The following GPAT4 variants were observed in gnomAD, a reference collection of about 807,000 sequenced individuals.
GPAT4 encodes glycerol-3-phosphate acyltransferase 4.
GPAT4 carries 17 observed loss-of-function variants against 58.0 expected under a neutral mutation model. The ratio of observed to expected loss-of-function variants is 0.29; its 90% CI spans 0.20 to 0.44. The LOEUF (loss-of-function observed/expected upper bound fraction) is 0.44, where lower values mean the gene tolerates loss of function less well. Ranked by LOEUF, GPAT4 falls within the 20% of genes least tolerant of loss-of-function variation. GPAT4 has a pLI of 1.00. For missense variants in GPAT4, 377 were observed against 574.5 expected, an observed-to-expected ratio of 0.66 and a Z score of 3.51; for synonymous variants, 204 against 210.1, an observed-to-expected ratio of 0.97 and a Z score of 0.25.
Position 41,614,384 on chromosome 8 carries a change from AGACT to A in GPAT4, c.917_920del (p.Thr306AsnfsTer25). On this transcript the variant is annotated splice_acceptor_variant and coding_sequence_variant, in exon 9 of 13. Transcript: ENST00000396987. LOFTEE classifies it high-confidence loss of function. ...CCTTTATTTTATTTTCTTCTTTGAAAGACTGACTGAACATGTGCAAGATAAAAGC... is the reference window on the plus strand; with the variant it reads ...CCTTTATTTTATTTTCTTCTTTGAAAGACTGAACATGTGCAAGATAAAAGC... 1 of 1,613,766 alleles carries A rather than the reference AGACT, an allele frequency of 6.2e-7. No individual in the cohort carries two copies. The highest frequency in any genetic ancestry group is 8.5e-7 in the Non-Finnish European group (1 of 1,179,848).
chr8:41,618,844 G>A (rs1234735715), intron 11 of GPAT4, 32 bp downstream of exon 11: 1 of 1,614,240 alleles, frequency 6.2e-7, no homozygotes. Flanking sequence ...GTCTGCGCCT[G>A]CTCTGTGTAA....
At chr8:41,592,635 G>A (rs1316387700) in intron 1 of GPAT4, among the ~76,000 whole-genome samples, 1 of 152,176 alleles carries the variant, frequency 6.6e-6, no homozygotes, top group Non-Finnish European at 1.5e-5. Context: ...ATAACATGAA[G>A]TGACATTGAG....
At chr8:41,615,314 G>A (rs1803565016) in intron 10 of GPAT4, among the ~76,000 whole-genome samples, 1 of 152,224 alleles carries the variant, frequency 6.6e-6, no homozygotes, top group African/African-American at 2.4e-5. Context: ...TCGGGAAATG[G>A]CAAGCCCTTC....
intron 1 of GPAT4, among the ~76,000 whole-genome samples, chr8:41,581,625 CTTTTT>C (rs567790530): frequency 9.0e-6 from 1 of 110,558 alleles, no homozygotes. Flanking sequence ...CCTTTGTTGA[CTTTTT>C]TTTTTTTTTT....
intron 4 of GPAT4, 117 bp from the exon 5 acceptor site, chr8:41,610,619 C>CA (rs1273510489): frequency 6.5e-7 from 1 of 1,549,282 alleles, no homozygotes; most frequent in Non-Finnish European, 8.7e-7. Flanking sequence ...GTCCAGGTCC[C>CA]AGGTGAGCAG....
chr8:41,581,480 C>G (rs1187227178), intron 1 of GPAT4, among the ~76,000 whole-genome samples: 1 of 152,196 alleles, frequency 6.6e-6, no homozygotes, highest in African/African-American at 2.4e-5. Context: ...TAGAGATGGT[C>G]TTGATCTGTG....
chr8:41,590,063 G>A (rs529514240), intron 1 of GPAT4, among the ~76,000 whole-genome samples: 1 of 152,240 alleles, frequency 6.6e-6, no homozygotes, highest in African/African-American at 2.4e-5. Flanking sequence ...TTCTGATAAT[G>A]GAGTCCAGAT....
At chr8:41,614,472 T>C in intron 9 of GPAT4, 31 bp downstream of exon 9, 1 of 1,608,380 alleles carries the variant, frequency 6.2e-7, no homozygotes, top group Non-Finnish European at 8.5e-7. Context: ...ACGAAGGGCT[T>C]CTGTGGGGAG....
In GPAT4 at chr8:41,582,444, TACACACACACACAC is replaced by T. The variant is rs71548104; in HGVS notation, c.-849+4186_-849+4199del. On this transcript the variant is annotated intron_variant, in intron 1 of 12. Coordinates refer to ENST00000396987, the MANE Select transcript of GPAT4 (RefSeq NM_178819.4). ...CTTGGAGAAATAGGGTGGGAAAGTA[TACACACACACACAC>T]ACACACACACACACACACATCTTTC... Among the ~76,000 whole-genome samples, 8 of 141,712 alleles carry T rather than the reference TACACACACACACAC, an allele frequency of 5.6e-5. No individual in the cohort carries two copies. In the South Asian group the frequency reaches 6.9e-4, roughly 12 times the overall value. 93.0% of individuals were successfully genotyped at this position (141,712 alleles called of 152,430 possible). A position where few individuals can be genotyped will look rare whatever the true frequency, so the allele number is the denominator to read the frequency against.
chr8:41,587,382 TCTC>T (rs140469389), intron 1 of GPAT4, among the ~76,000 whole-genome samples: 2,897 of 152,336 alleles, frequency 0.019, 73 homozygotes, highest in African/African-American at 0.063. Flanking sequence ...AAATTCCCCT[TCTC>T]CTTCCTAGTG....
intron 1 of GPAT4, among the ~76,000 whole-genome samples, chr8:41,583,369 G>A (rs1802574315): frequency 6.6e-6 from 1 of 151,478 alleles, no homozygotes; most frequent in South Asian, 2.1e-4. Context: ...CTTCCCAGCT[G>A]CTGGTATCTA....
At chr8:41,589,846 G>T (rs1802745151) in intron 1 of GPAT4, among the ~76,000 whole-genome samples, 1 of 152,214 alleles carries the variant, frequency 6.6e-6, no homozygotes, top group Non-Finnish European at 1.5e-5. Context: ...GGCCCTTGCT[G>T]CCTCTTTCCC....
chr8:41,581,398 G>A (rs1342020680), intron 1 of GPAT4, among the ~76,000 whole-genome samples: 2 of 152,108 alleles, frequency 1.3e-5, no homozygotes, highest in Non-Finnish European at 2.9e-5. Context: ...CCGAAGATCT[G>A]CAATAATAGA....
At chr8:41,612,334 T>C in intron 7 of GPAT4, 61 bp downstream of exon 7, 1 of 1,557,148 alleles carries the variant, frequency 6.4e-7, no homozygotes, top group South Asian at 1.1e-5. Context: ...TGGTCAGGGC[T>C]AGGAGGCTCC....
chr8:41,587,354 T>C (rs988926976), intron 1 of GPAT4, among the ~76,000 whole-genome samples: 4 of 152,206 alleles, frequency 2.6e-5, no homozygotes, highest in Non-Finnish European at 5.9e-5. Context: ...ATGTCATTAC[T>C]TCTTGGGAAA....
intron 1 of GPAT4, among the ~76,000 whole-genome samples, chr8:41,583,327 T>C (rs1237300525): frequency 6.6e-6 from 1 of 152,118 alleles, no homozygotes; most frequent in Non-Finnish European, 1.5e-5. Flanking sequence ...GTTTTTTTTT[T>C]CTATCCATTA....
chr8:41,581,993 ATTTTTTT>A (rs71230849), intron 1 of GPAT4, among the ~76,000 whole-genome samples: 1,332 of 63,388 alleles, frequency 0.021, 16 homozygotes, highest in African/African-American at 0.054. Flanking sequence ...AAGTTCAATG[ATTTTTTT>A]TTTTTTTTTT....
intron 1 of GPAT4, among the ~76,000 whole-genome samples, chr8:41,581,669 C>T (rs1413313120): frequency 1.4e-5 from 2 of 147,000 alleles, no homozygotes; most frequent in African/African-American, 5.0e-5. Flanking sequence ...TGCTCTGTCG[C>T]CCAGGCTGGA....
chr8:41,592,136 A>G (rs1049073900), intron 1 of GPAT4, among the ~76,000 whole-genome samples: 2 of 152,212 alleles, frequency 1.3e-5, no homozygotes, highest in African/African-American at 4.8e-5. Context: ...TGCAGGAAGC[A>G]TAGACAGGGA....
Sources: gnomAD v4.1 joint callset for allele counts (sites outside exome capture counted in the v4.1 genomes callset) on GRCh38, gnomAD v4.1.1 for gene constraint, MANE v1.5 for transcripts, NCBI Gene and HGNC (gene_info 2026-07-23, HGNC 2026-07-21) for gene names.